The following ING5 variants were observed in gnomAD, a reference collection of about 807,000 sequenced individuals.
ING5 encodes the protein inhibitor of growth protein 5.
ING5 carries 17 observed loss-of-function variants against 37.4 expected under a neutral mutation model. That is an observed-to-expected ratio of 0.45 (90% confidence interval 0.31 to 0.68). The LOEUF is 0.68. Ranked by LOEUF, ING5 falls within the 30% of genes least tolerant of loss-of-function variation. The pLI is 0.05. For synonymous variants in ING5, 123 were observed against 116.6 expected, an observed-to-expected ratio of 1.06 and a Z score of -0.36; for missense variants, 233 against 311.9, an observed-to-expected ratio of 0.75 and a Z score of 1.91.
chr2:241,715,198 T>G (rs1322431587), intron 5 of ING5, among the ~76,000 whole-genome samples: 1 of 152,038 alleles, frequency 6.6e-6, no homozygotes, highest in Non-Finnish European at 1.5e-5. Flanking sequence ...TTTTAGAATG[T>G]TTTTCTTGTT....
At chr2:241,716,653 G>T (rs1396877500) in intron 5 of ING5, among the ~76,000 whole-genome samples, 1 of 152,118 alleles carries the variant, frequency 6.6e-6, no homozygotes, top group Non-Finnish European at 1.5e-5. Context: ...ATCACAGTGA[G>T]CTTCAGATAT....
chr2:241,697,221 G>C (rs888616245), upstream of ING5, among the ~76,000 whole-genome samples: 1 of 152,008 alleles, frequency 6.6e-6, no homozygotes, highest in Non-Finnish European at 1.5e-5. Context: ...GGAACACAAG[G>C]CCAGGAGATC....
intron 1 of ING5, among the ~76,000 whole-genome samples, chr2:241,702,717 A>C (rs1452333162): frequency 6.6e-6 from 1 of 152,190 alleles, no homozygotes; most frequent in Non-Finnish European, 1.5e-5. Flanking sequence ...AGGTGGCAGC[A>C]GGTCGGCGCC....
intron 7 of ING5, chr2:241,724,604 G>C (rs1250198117): frequency 4.0e-6 from 1 of 248,072 alleles, no homozygotes; most frequent in Non-Finnish European, 7.9e-6. Context: ...GCCTGGCTGG[G>C]TTTCCGTGGG....
Position 241,704,714 on chromosome 2 carries a change from G to C in ING5, c.99G>C (p.Gln33His). ...TCCAGCTGATGCGAGAGCTGGACCA[G>C]AGGACGGAAGGTGGGTTCAGACCTC... is the stretch of plus-strand genomic sequence containing the variant. The part of the protein sequence containing the change: ...RNFQLMRELD[Q>H]RTEDKKAEID... Residue 33 changes from glutamine (Q) to histidine (H), a missense_variant, in exon 2 of 8, where the codon CAG becomes CAC. Around this residue, in one of 4 missense-constraint regions of ING5, gnomAD observed 93 missense variants for 99.7 expected, o/e 0.93. Coordinates refer to ENST00000313552, the MANE Select transcript of ING5 (RefSeq NM_032329.6). The C allele has an allele frequency of 1.2e-6, 2 of 1,613,940 alleles. No homozygotes were observed. Among genetic ancestry groups the C allele is most frequent in the Non-Finnish European group, 1.7e-6 (2 of 1,179,828 alleles).
At chr2:241,699,038 T>TGGGGG (rs570586792), upstream of ING5, among the ~76,000 whole-genome samples, 1,162 of 138,380 alleles carry the variant, frequency 8.4e-3, 25 homozygotes, top group African/African-American at 0.028. Context: ...AATTTTTTTT[T>TGGGGG]GGGGGGGGAG....
intron 5 of ING5, among the ~76,000 whole-genome samples, chr2:241,715,118 T>G (rs969880043): frequency 2.6e-5 from 4 of 152,200 alleles, no homozygotes; most frequent in African/African-American, 9.6e-5. Flanking sequence ...CCACAAATTT[T>G]GATATATTAT....
At chr2:241,720,350 G>T in intron 5 of ING5, 2 of 1,205,218 alleles carry the variant, frequency 1.7e-6, no homozygotes, top group Non-Finnish European at 2.1e-6. Context: ...CCCTGCTGGG[G>T]ACCCAGGCGC....
chr2:241,696,119 C>T (rs1286263254), intron 2 of ING5, among the ~76,000 whole-genome samples: 4 of 152,232 alleles, frequency 2.6e-5, no homozygotes, highest in South Asian at 2.1e-4. Flanking sequence ...AGGCTGGGCT[C>T]GGTGTCTCAT....
At position 241,711,984 on chromosome 2, in the gene ING5, G is replaced by A. The variant is rs201146110; in HGVS notation, c.395G>A (p.Arg132Gln). 4.4e-6 allele frequency: 7 copies of A among 1,603,324 alleles called. No homozygotes were observed. The highest frequency in any genetic ancestry group is 2.2e-5 in the East Asian group (1 of 44,706). ...CATCTTGATTATTTTTCAGAAGGCC[G>A]GGGTCAGAAAGAAAAAAGAGGGTCC... is the stretch of plus-strand genomic sequence containing the variant. ...SSGGRGLKKG[R>Q]GQKEKRGSRG... The change falls in exon 5 of 8, where the codon CGG becomes CAG. Residue 132 changes from arginine to glutamine, a missense_variant. Transcript: ENST00000313552.
intron 3 of ING5, 88 bp downstream of exon 3, chr2:241,709,470 G>T: frequency 4.6e-6 from 6 of 1,304,298 alleles, no homozygotes; most frequent in South Asian, 1.4e-5. Context: ...CCGGAAATGG[G>T]CATAGCCAAG....
chr2:241,717,178 G>A (rs2070297433), intron 5 of ING5, among the ~76,000 whole-genome samples: 1 of 151,576 alleles, frequency 6.6e-6, no homozygotes, highest in African/African-American at 2.4e-5. Flanking sequence ...AGGTTCAAGT[G>A]ATTCTTGTGC....
intron 2 of ING5, among the ~76,000 whole-genome samples, chr2:241,705,903 G>A (rs2069897225): frequency 6.6e-6 from 1 of 152,150 alleles, no homozygotes; most frequent in Middle Eastern, 3.2e-3. Flanking sequence ...GACCAGTGAT[G>A]GGACTTCCAT....
intron 1 of ING5, among the ~76,000 whole-genome samples, chr2:241,704,251 A>G (rs764759054): frequency 6.6e-6 from 1 of 152,192 alleles, no homozygotes; most frequent in Non-Finnish European, 1.5e-5. Flanking sequence ...GACAGAATAC[A>G]GAGTGGGCTT....
chr2:241,729,216 ATTG>A lies in ING5; in HGVS notation c.*4187_*4189del, dbSNP rs1373129533. The A allele has an allele frequency of 6.6e-6, 1 of 152,616 alleles. No homozygotes were observed. Among genetic ancestry groups the A allele is most frequent in the African/African-American group, 2.4e-5 (1 of 41,434 alleles). The allele number at this position is 152,616 out of a possible 1,614,324, so 9.5% of individuals were successfully genotyped here. A position where few individuals can be genotyped will look rare whatever the true frequency, so the allele number is the denominator to read the frequency against. Reference sequence around the variant, plus strand: ...AAGAAAATGTTCCCATTCAGGAGAGATTGTGTTGGAGTTTCTTTCTTCCTCTGT... The same window carrying A: ...AAGAAAATGTTCCCATTCAGGAGAGATGTTGGAGTTTCTTTCTTCCTCTGT... On this transcript the variant is annotated 3_prime_UTR_variant, in exon 8 of 8. Coordinates refer to ENST00000313552, the MANE Select transcript of ING5 (RefSeq NM_032329.6).
At chr2:241,723,864 G>T (rs1238282225) in intron 7 of ING5, 3 of 1,514,626 alleles carry the variant, frequency 2.0e-6, no homozygotes, top group Non-Finnish European at 2.7e-6. Context: ...ACAAAAATTA[G>T]CTGGGCGTGG....
intron 5 of ING5, among the ~76,000 whole-genome samples, chr2:241,713,832 T>A (rs1392293792): frequency 6.6e-6 from 1 of 151,950 alleles, no homozygotes; most frequent in African/African-American, 2.4e-5. Flanking sequence ...CTACCAAAAA[T>A]GCAAAATACT....
chr2:241,719,278 G>A (rs938683817), intron 5 of ING5, among the ~76,000 whole-genome samples: 2 of 152,212 alleles, frequency 1.3e-5, no homozygotes, highest in African/African-American at 4.8e-5. Context: ...GGACGCGGCC[G>A]CCATGTGTGG....
At chr2:241,721,851 G>T in intron 5 of ING5, 1 of 985,556 alleles carries the variant, frequency 1.0e-6, no homozygotes, top group Non-Finnish European at 1.2e-6. Context: ...GAGGTCTGTG[G>T]TCCTGGTGGG....
Sources: allele counts gnomAD v4.1 joint callset (sites outside exome capture counted in the v4.1 genomes callset), GRCh38; gene constraint gnomAD v4.1.1; regional missense constraint gnomAD v4.1.1; transcripts MANE v1.5; gene names NCBI Gene and HGNC (gene_info 2026-07-23, HGNC 2026-07-21).